Variants in AOPEP observed in about 807,000 individuals in gnomAD.
AOPEP encodes the protein aminopeptidase O.
AOPEP carries 77 observed loss-of-function variants against 98.1 expected under a neutral mutation model. The ratio of observed to expected loss-of-function variants is 0.78; its 90% CI spans 0.65 to 0.95. The LOEUF (loss-of-function observed/expected upper bound fraction) is 0.95. Ranked by LOEUF, AOPEP falls within the 40% of genes least tolerant of loss-of-function variation. The pLI is 0.00. For missense variants in AOPEP, 1,024 were observed against 1,024.7 expected (o/e 1.00, Z 0.01); for synonymous variants, 346 against 365.3 (o/e 0.95, Z 0.60).
chr9:95,011,621 C>G (rs1302395587), intron 13 of AOPEP, among the ~76,000 whole-genome samples: 3 of 151,930 alleles, frequency 2.0e-5, no homozygotes, highest in Non-Finnish European at 2.9e-5. Flanking sequence ...ACAGCTTGGG[C>G]AACATAGAGA....
intron 4 of AOPEP, among the ~76,000 whole-genome samples, chr9:94,793,337 ACT>A (rs1473693038): frequency 1.3e-5 from 2 of 151,152 alleles, no homozygotes; most frequent in Non-Finnish European, 2.9e-5. Flanking sequence ...ACAGAGTAAG[ACT>A]CTGTCTCAAA....
intron 3 of AOPEP, among the ~76,000 whole-genome samples, chr9:94,776,211 C>T (rs1157089302): frequency 6.6e-6 from 1 of 152,050 alleles, no homozygotes. Flanking sequence ...ATGCTAGACA[C>T]ATTTTTGTAT....
At chr9:94,951,188 A>C (rs867150121) in intron 7 of AOPEP, among the ~76,000 whole-genome samples, 5 of 152,242 alleles carry the variant, frequency 3.3e-5, no homozygotes, top group Admixed American at 1.3e-4. Context: ...ACCAGAGTGT[A>C]ATGTCTAAGA....
the AOPEP span, among the ~76,000 whole-genome samples, chr9:95,112,325 T>C: frequency 6.6e-6 from 1 of 152,186 alleles, no homozygotes; most frequent in African/African-American, 2.4e-5. Context: ...ACATTCCTTC[T>C]GGACTGGGGC....
intron 5 of AOPEP, among the ~76,000 whole-genome samples, chr9:94,837,228 G>A (rs2041714562): frequency 6.6e-6 from 1 of 152,018 alleles, no homozygotes; most frequent in Non-Finnish European, 1.5e-5. Flanking sequence ...ACTCTGAACA[G>A]AACAATAACA....
At chr9:94,896,615 A>G (rs2049600102) in intron 5 of AOPEP, among the ~76,000 whole-genome samples, 1 of 152,210 alleles carries the variant, frequency 6.6e-6, no homozygotes. Flanking sequence ...TCTTTTTCCT[A>G]AAAACCTATA....
intron 13 of AOPEP, among the ~76,000 whole-genome samples, chr9:95,048,128 GT>G (rs753694878): frequency 3.4e-4 from 49 of 144,490 alleles, no homozygotes; most frequent in South Asian, 4.4e-4. Flanking sequence ...TTATTGGTAA[GT>G]TTTTTTTTTT....
At chr9:94,806,959 T>C (rs1849387975) in intron 5 of AOPEP, among the ~76,000 whole-genome samples, 3 of 151,878 alleles carry the variant, frequency 2.0e-5, no homozygotes, top group Admixed American at 2.0e-4. Flanking sequence ...CTGTCAAGAG[T>C]CTGGTGGTCC....
chr9:95,139,512 T>G, the AOPEP span, among the ~76,000 whole-genome samples: 1 of 152,156 alleles, frequency 6.6e-6, no homozygotes, highest in Non-Finnish European at 1.5e-5. Flanking sequence ...CACTGCAGTG[T>G]GCACCCACGG....
At chr9:95,138,388 C>T in the AOPEP span, among the ~76,000 whole-genome samples, 1 of 152,184 alleles carries the variant, frequency 6.6e-6, no homozygotes, top group East Asian at 1.9e-4. Context: ...CCAATTCTAG[C>T]CACATCAATG....
chr9:94,798,960 T>C (rs1847637633), intron 4 of AOPEP, among the ~76,000 whole-genome samples: 1 of 152,236 alleles, frequency 6.6e-6, no homozygotes, highest in African/African-American at 2.4e-5. Flanking sequence ...CAGAATTAAA[T>C]GTCAAGAATT....
chr9:94,928,176 C>A (rs1343154668), intron 6 of AOPEP, among the ~76,000 whole-genome samples: 2 of 152,114 alleles, frequency 1.3e-5, no homozygotes, highest in African/African-American at 4.8e-5. Context: ...TGGGTGGGTT[C>A]CAGAACAAGG....
intron 5 of AOPEP, among the ~76,000 whole-genome samples, chr9:94,861,689 G>T (rs2045017269): frequency 6.6e-6 from 1 of 152,194 alleles, no homozygotes; most frequent in African/African-American, 2.4e-5. Context: ...AGATCCCAGA[G>T]ATGTTATTTA....
At chr9:94,758,513 G>T (rs753831268) in intron 1 of AOPEP, among the ~76,000 whole-genome samples, 4 of 152,212 alleles carry the variant, frequency 2.6e-5, no homozygotes, top group Admixed American at 6.5e-5. Context: ...TGCAGATAAA[G>T]CTGGCAGGGA....
intron 13 of AOPEP, among the ~76,000 whole-genome samples, chr9:95,015,789 T>C (rs1300470087): frequency 2.0e-5 from 3 of 152,220 alleles, no homozygotes; most frequent in Non-Finnish European, 2.9e-5. Flanking sequence ...CTTGTTATTT[T>C]GTATAATCGA....
intron 1 of AOPEP, among the ~76,000 whole-genome samples, chr9:94,744,625 C>G (rs1277777856): frequency 6.9e-6 from 1 of 144,582 alleles, no homozygotes; most frequent in Non-Finnish European, 1.5e-5. Context: ...CACTTCAACC[C>G]AGGAGACGGA....
At chr9:95,004,882 G>A (rs1197359937) in intron 11 of AOPEP, 1 of 146,974 alleles carries the variant, frequency 6.8e-6, no homozygotes, top group Non-Finnish European at 1.5e-5. Flanking sequence ...ACCTGCGGGA[G>A]GCGGCGCGGC....
intron 7 of AOPEP, among the ~76,000 whole-genome samples, chr9:94,940,634 A>AT (rs1387758503): frequency 4.6e-5 from 7 of 152,242 alleles, no homozygotes; most frequent in African/African-American, 1.7e-4. Context: ...ATAAAATAGA[A>AT]TGAATATTGG....
chr9:94,741,935 G>T (rs1175648036), intron 1 of AOPEP, among the ~76,000 whole-genome samples: 1 of 152,164 alleles, frequency 6.6e-6, no homozygotes, highest in East Asian at 1.9e-4. Context: ...GAAGGGACAC[G>T]CATACTTCCA....
Sources: gnomAD v4.1 joint callset for allele counts (sites outside exome capture counted in the v4.1 genomes callset) on GRCh38, gnomAD v4.1.1 for gene constraint, MANE v1.5 for transcripts, NCBI Gene and HGNC (gene_info 2026-07-23, HGNC 2026-07-21) for gene names.